The following GALNT13 variants were observed in gnomAD, a reference collection of about 807,000 sequenced individuals.
GALNT13 encodes the protein polypeptide N-acetylgalactosaminyltransferase 13.
Under a neutral mutation model 64.2 loss-of-function variants are expected in GALNT13, and 28 were observed. The observed-to-expected ratio is 0.44, with a 90% CI of 0.32 to 0.60. The LOEUF (loss-of-function observed/expected upper bound fraction) is 0.60. Ranked by LOEUF, GALNT13 falls within the 20% of genes least tolerant of loss-of-function variation. The pLI, the probability that GALNT13 is intolerant of heterozygous loss-of-function variation, is 0.05. For synonymous variants in GALNT13, 214 were observed against 224.6 expected (o/e 0.95, Z 0.42); for missense variants, 577 against 669.8 (o/e 0.86, Z 1.53).
At chr2:153,472,119 G>A in the GALNT13 span, among the ~76,000 whole-genome samples, 2 of 152,186 alleles carry the variant, frequency 1.3e-5, no homozygotes, top group East Asian at 3.9e-4. Context: ...ATCCCAGAGG[G>A]ATTCTTTTTC....
chr2:153,406,653 C>T, the GALNT13 span, among the ~76,000 whole-genome samples: 1 of 152,188 alleles, frequency 6.6e-6, no homozygotes, highest in Non-Finnish European at 1.5e-5. Flanking sequence ...AGTGTTCTGC[C>T]TGCCTCAGCC....
At chr2:153,549,892 T>A in the GALNT13 span, among the ~76,000 whole-genome samples, 1 of 152,240 alleles carries the variant, frequency 6.6e-6, no homozygotes, top group Non-Finnish European at 1.5e-5. Flanking sequence ...GTCTTCTTTA[T>A]ATCCTCCTTT....
At chr2:154,455,908 T>C (rs1702026650), downstream of GALNT13, among the ~76,000 whole-genome samples, 2 of 152,226 alleles carry the variant, frequency 1.3e-5, no homozygotes, top group African/African-American at 2.4e-5. Flanking sequence ...TATTTTGTTT[T>C]TGTTTTTAGC....
the GALNT13 span, among the ~76,000 whole-genome samples, chr2:153,538,092 A>G: frequency 2.6e-5 from 4 of 152,254 alleles, no homozygotes; most frequent in African/African-American, 9.6e-5. Context: ...GACTTGTTGA[A>G]TGGTTTTGAT....
the GALNT13 span, among the ~76,000 whole-genome samples, chr2:153,352,178 T>C: frequency 6.6e-5 from 10 of 152,312 alleles, no homozygotes; most frequent in South Asian, 2.1e-3. Context: ...ATCTCATTAC[T>C]GTTTTTATTT....
At chr2:153,571,242 ATTTCTT>A in the GALNT13 span, among the ~76,000 whole-genome samples, 3 of 151,806 alleles carry the variant, frequency 2.0e-5, no homozygotes, top group African/African-American at 7.2e-5. Flanking sequence ...TAGTTTTTAA[ATTTCTT>A]TTTCAGATTG....
chr2:153,236,065 A>T, the GALNT13 span, among the ~76,000 whole-genome samples: 1 of 152,136 alleles, frequency 6.6e-6, no homozygotes, highest in Non-Finnish European at 1.5e-5. Context: ...TGGACTGAAG[A>T]TCAAACCAGC....
the GALNT13 span, among the ~76,000 whole-genome samples, chr2:153,282,602 G>A: frequency 6.6e-6 from 1 of 152,062 alleles, no homozygotes; most frequent in Non-Finnish European, 1.5e-5. Flanking sequence ...TTTTTGTAGG[G>A]ATAGGGTTTC....
chr2:154,247,478 G>A (rs143151845), intron 7 of GALNT13, among the ~76,000 whole-genome samples: 136 of 151,972 alleles, frequency 8.9e-4, no homozygotes, highest in African/African-American at 3.0e-3. Flanking sequence ...CTGTTTATAA[G>A]AAGGCATGTT....
intron 3 of GALNT13, among the ~76,000 whole-genome samples, chr2:154,087,733 C>T (rs575193726): frequency 1.3e-5 from 2 of 152,138 alleles, no homozygotes; most frequent in Admixed American, 6.6e-5. Context: ...GGTTCATCTT[C>T]CTGACACACG....
the GALNT13 span, among the ~76,000 whole-genome samples, chr2:153,110,655 A>T: frequency 6.6e-6 from 1 of 152,102 alleles, no homozygotes; most frequent in Non-Finnish European, 1.5e-5. Context: ...TTTCAAATGA[A>T]GGACCAGACT....
the GALNT13 span, among the ~76,000 whole-genome samples, chr2:153,771,845 G>T: frequency 6.6e-6 from 1 of 152,320 alleles, no homozygotes; most frequent in South Asian, 2.1e-4. Context: ...GTGAGGTGGA[G>T]AGAGGTTCAC....
At chr2:153,580,516 G>T in the GALNT13 span, among the ~76,000 whole-genome samples, 14 of 152,012 alleles carry the variant, frequency 9.2e-5, no homozygotes, top group Non-Finnish European at 5.9e-5. Context: ...TGAGAAATAA[G>T]TTTTTTCTAA....
At chr2:153,068,370 A>G in the GALNT13 span, among the ~76,000 whole-genome samples, 2 of 152,178 alleles carry the variant, frequency 1.3e-5, no homozygotes, top group African/African-American at 4.8e-5. Flanking sequence ...CGGTAAGGCC[A>G]AGGCTTCAAT....
the GALNT13 span, among the ~76,000 whole-genome samples, chr2:153,520,300 G>A: frequency 6.6e-6 from 1 of 152,146 alleles, no homozygotes; most frequent in South Asian, 2.1e-4. Flanking sequence ...TCAGGCTAGT[G>A]TAGATCCTAA....
chr2:153,166,137 C>A, the GALNT13 span, among the ~76,000 whole-genome samples: 1 of 152,130 alleles, frequency 6.6e-6, no homozygotes, highest in African/African-American at 2.4e-5. Context: ...CCTACCCCAC[C>A]ACCTGTGGCA....
intron 3 of GALNT13, among the ~76,000 whole-genome samples, chr2:154,136,770 A>C (rs943735117): frequency 9.2e-5 from 14 of 152,142 alleles, no homozygotes; most frequent in Non-Finnish European, 1.9e-4. Flanking sequence ...CTATATAATT[A>C]GGAAGAAAAT....
intron 11 of GALNT13, among the ~76,000 whole-genome samples, chr2:154,422,227 C>T (rs368218039): frequency 2.4e-4 from 36 of 152,270 alleles, no homozygotes; most frequent in East Asian, 1.2e-3. Context: ...GTGTAATAAG[C>T]ATCATGAAAA....
intron 9 of GALNT13, among the ~76,000 whole-genome samples, chr2:154,373,369 CA>C (rs1162530935): frequency 6.6e-6 from 1 of 152,032 alleles, no homozygotes; most frequent in Non-Finnish European, 1.5e-5. Context: ...ATAATGGCAC[CA>C]GAATTTTCTG....
Sources: gnomAD v4.1 joint callset for allele counts (sites outside exome capture counted in the v4.1 genomes callset) on GRCh38, gnomAD v4.1.1 for gene constraint, MANE v1.5 for transcripts, NCBI Gene and HGNC (gene_info 2026-07-23, HGNC 2026-07-21) for gene names.